Variants in CNTRL observed in about 807,000 individuals in gnomAD.
CNTRL encodes 110 kDa centrosomal protein.
A neutral mutation model predicts 303.7 loss-of-function variants in CNTRL; 233 were observed. The ratio of observed to expected loss-of-function variants is 0.77; its 90% confidence interval spans 0.69 to 0.86. The LOEUF (loss-of-function observed/expected upper bound fraction) is 0.86. CNTRL is among the 40% of genes least tolerant of loss of function. The pLI is 0.00. For missense variants in CNTRL, 2,524 were observed against 2,650.6 expected (o/e 0.95, Z 1.05); for synonymous variants, 900 against 922.2 (o/e 0.98, Z 0.44).
chr9:121,096,818 A>G (rs763051444), intron 6 of CNTRL, among the ~76,000 whole-genome samples: 12 of 152,152 alleles, frequency 7.9e-5, no homozygotes, highest in Non-Finnish European at 1.2e-4. Context: ...GCCTCATAAC[A>G]TTCTTGTTAA....
intron 34 of CNTRL, among the ~76,000 whole-genome samples, chr9:121,164,294 G>T (rs542687380): frequency 1.3e-5 from 2 of 152,182 alleles, no homozygotes; most frequent in African/African-American, 4.8e-5. Flanking sequence ...CCACTCCTAG[G>T]TATTATATTT....
intron 26 of CNTRL, 69 bp from the exon 27 acceptor site, chr9:121,154,652 A>T: frequency 1.2e-6 from 1 of 856,752 alleles, no homozygotes; most frequent in Non-Finnish European, 1.8e-6. Flanking sequence ...TCTTTTTAGT[A>T]GTTAGGCTAC....
At chr9:121,145,989 C>G in intron 22 of CNTRL, 119 bp from the exon 23 acceptor site, 7 of 879,306 alleles carry the variant, frequency 8.0e-6, no homozygotes, top group Non-Finnish European at 1.2e-5. Flanking sequence ...AAAGGGCAGA[C>G]TGAAAGTCAG....
rs2052166157 is a variant in CNTRL, at chr9:121,150,500, A to G, written c.3963+17A>G. The G allele has an allele frequency of 1.2e-6, 2 of 1,607,290 alleles. No individual in the cohort carries two copies. The highest frequency in any genetic ancestry group is 2.7e-5 in the African/African-American group (2 of 74,766). ...CATAACTTAGTAAGTGGAAAGACAT[A>G]CAACTCTCTTTCCACACTGCTTCCA... is the stretch of plus-strand genomic sequence containing the variant. On this transcript the variant is annotated intron_variant, in intron 25 of 43. Transcript: ENST00000373855.
intron 12 of CNTRL, chr9:121,121,668 C>A: frequency 2.6e-6 from 1 of 382,790 alleles, no homozygotes; most frequent in African/African-American, 2.2e-5. Flanking sequence ...AAAGTTTGGG[C>A]GTGATTGGCC....
intron 25 of CNTRL, chr9:121,152,152 T>C: frequency 4.2e-6 from 1 of 237,716 alleles, no homozygotes; most frequent in Non-Finnish European, 8.3e-6. Context: ...TGAGCAGCCT[T>C]CTCAGAACTT....
rs1376974344 is a variant in CNTRL at position 121,171,490 on chromosome 9, G to C, written c.6359G>C (p.Arg2120Thr). The C allele has an allele frequency of 1.2e-6, 2 of 1,614,106 alleles. No individual in the cohort carries two copies. Among genetic ancestry groups the C allele is most frequent in the Non-Finnish European group, 1.7e-6 (2 of 1,179,972 alleles). Reference sequence around the variant, plus strand: ...GCCCAGGACAACCATGAGCGGGCCAGGCGCCTGATGAAGGAGCTCAACCAG... The same window carrying C: ...GCCCAGGACAACCATGAGCGGGCCACGCGCCTGATGAAGGAGCTCAACCAG... ...LVAQDNHERARRLMKELNQMQ... is the reference protein window; with the variant it reads ...LVAQDNHERATRLMKELNQMQ... Residue 2120 changes from arginine to threonine, a missense_variant, in exon 40 of 44, where the codon AGG becomes ACG. Transcript: ENST00000373855.
intron 1 of CNTRL, among the ~76,000 whole-genome samples, chr9:121,078,921 G>A (rs2048034381): frequency 6.6e-6 from 1 of 152,174 alleles, no homozygotes; most frequent in Non-Finnish European, 1.5e-5. Context: ...CAGCTTTCTG[G>A]AGGCTCCCCA....
chr9:121,094,839 TGTCAA>T (rs771466289), intron 4 of CNTRL, 44 bp from the exon 5 acceptor site: 1 of 1,379,256 alleles, frequency 7.3e-7, no homozygotes, highest in South Asian at 1.4e-5. Context: ...TTGTACTTTA[TGTCAA>T]GTCATCTGTT....
At chr9:121,077,443 C>A (rs1024647640) in intron 1 of CNTRL, among the ~76,000 whole-genome samples, 7 of 152,116 alleles carry the variant, frequency 4.6e-5, no homozygotes, top group Non-Finnish European at 1.0e-4. Flanking sequence ...TTCTCAAACA[C>A]TGTAAACCCC....
chr9:121,112,425 C>A, intron 8 of CNTRL, 34 bp from the exon 9 acceptor site: 1 of 1,601,768 alleles, frequency 6.2e-7, no homozygotes, highest in South Asian at 1.1e-5. Flanking sequence ...CTTACTGATC[C>A]TGTATGTTGT....
At chr9:121,156,338 A>G (rs1021427420) in intron 27 of CNTRL, among the ~76,000 whole-genome samples, 2 of 152,156 alleles carry the variant, frequency 1.3e-5, no homozygotes, top group African/African-American at 4.8e-5. Flanking sequence ...CAGCTTGGTA[A>G]GAAGGAGGAG....
chr9:121,151,175 A>T (rs2052220971), intron 25 of CNTRL, among the ~76,000 whole-genome samples: 1 of 151,994 alleles, frequency 6.6e-6, no homozygotes, highest in Non-Finnish European at 1.5e-5. Context: ...ATTGTACACA[A>T]TATTTTGTAT....
chr9:121,107,728 G>T, intron 7 of CNTRL, 74 bp from the exon 8 acceptor site: 1 of 967,448 alleles, frequency 1.0e-6, no homozygotes, highest in Non-Finnish European at 1.5e-6. Context: ...TTTCACTATT[G>T]TTTGAGAAAT....
At position 121,138,624 on chromosome 9, in the gene CNTRL, CAG is replaced by C; in HGVS notation, c.2284_2285del (p.Glu762ArgfsTer8). On this transcript the variant is annotated frameshift_variant, in exon 16 of 44. Transcript: ENST00000373855. LOFTEE classifies it high-confidence loss of function. ...AATGCCCTTGGAAAAGCCCAGTTCT[CAG>C]AAGAAAAGGAGCAAGAGAACAGTGA... 6.2e-7 allele frequency: 1 copy of C among 1,613,910 alleles called. No individual in the cohort carries two copies. Among genetic ancestry groups the C allele is most frequent in the Non-Finnish European group, 8.5e-7 (1 of 1,179,856 alleles).
At chr9:121,102,286 C>T (rs922863332) in intron 7 of CNTRL, among the ~76,000 whole-genome samples, 3 of 152,086 alleles carry the variant, frequency 2.0e-5, no homozygotes, top group African/African-American at 7.2e-5. Context: ...ATAAACAGAA[C>T]CAAAGACAAA....
At chr9:121,151,593 T>C (rs2052266686) in intron 25 of CNTRL, among the ~76,000 whole-genome samples, 1 of 152,120 alleles carries the variant, frequency 6.6e-6, no homozygotes, top group Non-Finnish European at 1.5e-5. Context: ...GGTTTCACCA[T>C]GTTGGCCAGG....
rs542486944 is a variant in CNTRL at position 121,170,533 on chromosome 9, G to A, written c.6276+717G>A. Among the ~76,000 whole-genome samples the A allele has an allele frequency of 8.2e-4, 125 of 152,094 alleles. 2 individuals carry two copies. The highest frequency in any genetic ancestry group is 2.8e-3 in the African/African-American group (116 of 41,460). ...TGCAGTGGCATGATCTCAGTTCACTGCAACCTCCACCTCCCAGGTTCAAGC... is the reference window on the plus strand; with the variant it reads ...TGCAGTGGCATGATCTCAGTTCACTACAACCTCCACCTCCCAGGTTCAAGC... On this transcript the variant is annotated intron_variant, in intron 39 of 43. Coordinates refer to ENST00000373855, the MANE Select transcript of CNTRL (RefSeq NM_007018.6).
chr9:121,133,355 C>T (rs890914602), intron 14 of CNTRL, among the ~76,000 whole-genome samples: 1 of 152,244 alleles, frequency 6.6e-6, no homozygotes, highest in Non-Finnish European at 1.5e-5. Flanking sequence ...CAATGGTGAA[C>T]GCCCCTCCCC....
Sources: allele counts gnomAD v4.1 joint callset (sites outside exome capture counted in the v4.1 genomes callset), GRCh38; gene constraint gnomAD v4.1.1; transcripts MANE v1.5; gene names NCBI Gene and HGNC (gene_info 2026-07-23, HGNC 2026-07-21).